PANK2: variants seen among roughly 807,000 people sequenced by gnomAD.
PANK2 encodes pantothenate kinase 2, also known as pantothenate kinase 2, mitochondrial.
PANK2 carries 36 observed loss-of-function variants against 43.1 expected under a neutral mutation model. The ratio of observed to expected loss-of-function variants is 0.84; its 90% confidence interval spans 0.64 to 1.10. The LOEUF is 1.10. PANK2 is among the 50% of genes least tolerant of loss of function. The probability of loss-of-function intolerance (pLI) is 0.00; values close to 1 mark genes in which losing one functional copy is unlikely to be tolerated. For synonymous variants in PANK2, 281 were observed against 238.2 expected, an observed-to-expected ratio of 1.18 and a Z score of -1.66; for missense variants, 576 against 593.3, an observed-to-expected ratio of 0.97 and a Z score of 0.30.
intron 1 of PANK2, among the ~76,000 whole-genome samples, chr20:3,897,099 A>G (rs1487642060): frequency 6.6e-6 from 1 of 152,192 alleles, no homozygotes; most frequent in African/African-American, 2.4e-5. Flanking sequence ...TGAGTGCTGC[A>G]GAATTGGTTA....
intron 5 of PANK2, among the ~76,000 whole-genome samples, chr20:3,918,357 A>G (rs547458241): frequency 4.7e-5 from 7 of 149,522 alleles, no homozygotes; most frequent in Non-Finnish European, 9.0e-5. Flanking sequence ...GATTGGAGTC[A>G]TACTGTTTTT....
upstream of PANK2, chr20:3,889,308 G>A: frequency 1.2e-6 from 2 of 1,600,598 alleles, no homozygotes; most frequent in Non-Finnish European, 1.7e-6. Context: ...CGAGGCCTTT[G>A]GGCCGTCCCC....
At position 3,908,048 on chromosome 20, in the gene PANK2, T is replaced by G; in HGVS notation, c.421T>G (p.Tyr141Asp). 6.2e-7 allele frequency: 1 copy of G among 1,614,178 alleles called. No individual in the cohort carries two copies. The highest frequency in any genetic ancestry group is 8.5e-7 in the Non-Finnish European group (1 of 1,180,026). Residue 141 changes from tyrosine to aspartate, a missense_variant, in exon 2 of 7, where the codon TAC becomes GAC. By Grantham distance (160) the Tyr-to-Asp change is radical (BLOSUM62 -3). Transcript: ENST00000610179. ...GGAAAGTCTTAAAAGCATTCGGAAG[T>G]ACCTGACCTCCAATGTGGCTTATGG...
rs777414421 is a variant in PANK2 at position 3,910,589 on chromosome 20, C to G, written c.664C>G (p.Gln222Glu). 3.7e-6 allele frequency: 6 copies of G among 1,614,090 alleles called. No individual in the cohort carries two copies. The highest frequency in any genetic ancestry group is 5.1e-6 in the Non-Finnish European group (6 of 1,180,008). ...TATTTCATTACAGATAGGTGATCTT[C>G]AGCTTTGCAAACTGGATGAACTAGA... The change falls in exon 3 of 7, where the codon CAG becomes GAG. Residue 222 changes from glutamine (Q) to glutamate (E), a missense_variant. This residue lies in a region of PANK2 where 544 missense variants were observed against 528.9 expected (regional missense o/e 1.03). Coordinates refer to ENST00000610179, the MANE Select transcript of PANK2 (RefSeq NM_001386393.1).
chr20:3,897,100 G>A lies in PANK2; in HGVS notation c.298+7372G>A, dbSNP rs6052151. 5.6e-3 allele frequency among the ~76,000 whole-genome samples: 846 copies of A among 152,288 alleles called. 7 individuals are homozygous for A. The highest frequency in any genetic ancestry group is 0.019 in the African/African-American group (783 of 41,566). On this transcript the variant is annotated intron_variant, in intron 1 of 6. Transcript: ENST00000610179. The stretch of plus-strand genomic sequence containing the variant: ...GGGCACCCAGCTGGTGAGTGCTGCA[G>A]AATTGGTTACTTGCTTTGTGTGTGG...
At position 3,912,718 on chromosome 20, in the gene PANK2, G is replaced by A. The variant is rs1600549058; in HGVS notation, c.1082+84G>A. On this transcript the variant is annotated intron_variant, in intron 4 of 6. Transcript: ENST00000610179. ...TTTAATCCCAAAACTTTGAGAGGCC[G>A]AGATGGGCAGATCATGAGGTCAGGA... 13 of 1,431,488 alleles carry A rather than the reference G, an allele frequency of 9.1e-6. No individual in the cohort carries two copies. The East Asian group carries it at 2.3e-4, about 25-fold the overall frequency. 88.7% of individuals were successfully genotyped at this position (1,431,488 alleles called of 1,614,324 possible). A position where few individuals can be genotyped will look rare whatever the true frequency, so the allele number is the denominator to read the frequency against.
At chr20:3,889,272 C>T (rs1386340274), upstream of PANK2, 5 of 1,611,298 alleles carry the variant, frequency 3.1e-6, no homozygotes, top group African/African-American at 5.3e-5. Flanking sequence ...GGTCAATCCT[C>T]CTCGAGTTAG....
chr20:3,892,728 C>G (rs1472692836), intron 1 of PANK2, among the ~76,000 whole-genome samples: 3 of 149,004 alleles, frequency 2.0e-5, no homozygotes, highest in Non-Finnish European at 3.0e-5. Flanking sequence ...TCTAAAGGTG[C>G]AGATAGATAC....
At chr20:3,894,560 T>C (rs2090175462) in intron 1 of PANK2, among the ~76,000 whole-genome samples, 1 of 151,746 alleles carries the variant, frequency 6.6e-6, no homozygotes, top group Middle Eastern at 3.2e-3. Context: ...TTTTAACCTA[T>C]TGATTTATCA....
Position 3,910,689 on chromosome 20 carries a change from AC to A in PANK2, c.767del (p.Pro256LeufsTer14), listed in dbSNP as rs753400880. 8 of 1,613,962 alleles carry A rather than the reference AC, an allele frequency of 5.0e-6. No homozygotes were observed. Among genetic ancestry groups the A allele is most frequent in the East Asian group, 2.2e-5 (1 of 44,882 alleles). On this transcript the variant is annotated frameshift_variant, in exon 3 of 7. Transcript: ENST00000610179. LOFTEE classifies it high-confidence loss of function. Reference sequence around the variant, plus strand: ...CGGTCACAGTGCTATTACTTTGAAAACCCTGCTGATTCTGAAAAGTGTCAGA... The same window carrying A: ...CGGTCACAGTGCTATTACTTTGAAAACCTGCTGATTCTGAAAAGTGTCAGA...
Position 3,923,269 on chromosome 20 carries a change from T to C in PANK2, c.1358T>C (p.Leu453Pro), listed in dbSNP as rs1324077575. The stretch of plus-strand genomic sequence containing the variant: ...GGTTATTTTGGAGCTGTTGGAGCAC[T>C]CCTTGAGCTGTTGAAGATCCCGTGA... The change falls in exon 7 of 7, where the codon CTC (leucine) becomes CCC (proline). Residue 453 changes from leucine to proline, a missense_variant. Physicochemically the swap from Leu to Pro is moderately conservative, Grantham distance 98. Around this residue, in one of 2 missense-constraint regions of PANK2, gnomAD observed 32 missense variants for 64.3 expected, o/e 0.50. Coordinates refer to ENST00000610179, the MANE Select transcript of PANK2 (RefSeq NM_001386393.1). 2 of 1,614,102 alleles carry C rather than the reference T, an allele frequency of 1.2e-6. No homozygotes were observed. The highest frequency in any genetic ancestry group is 1.7e-5 in the Admixed American group (1 of 60,008).
Position 3,899,673 on chromosome 20 carries a change from G to A in PANK2, c.299-8253G>A, listed in dbSNP as rs77027214. 9.5e-3 allele frequency among the ~76,000 whole-genome samples: 1,427 copies of A among 149,934 alleles called. 14 individuals are homozygous for A. The highest frequency in any genetic ancestry group is 0.021 in the Middle Eastern group (6 of 284). On this transcript the variant is annotated intron_variant, in intron 1 of 6. Transcript: ENST00000610179. ...TTCGAAGTATGTGTTATGTGCATAA[G>A]GAACATGGCTATTACATTCATCAGT...
chr20:3,908,002 T>C lies in PANK2; in HGVS notation c.375T>C (p.Ala125=). The stretch of plus-strand genomic sequence containing the variant: ...ATTTTGAACCCAAAGACATCACTGC[T>C]GAAGAAGAAGAGGAAGAAGTGGAAA... Residue 125 remains alanine (A), a synonymous_variant, in exon 2 of 7, where the codon GCT becomes GCC. Transcript: ENST00000610179. The C allele has an allele frequency of 6.2e-7, 1 of 1,614,150 alleles. No individual in the cohort carries two copies. The highest frequency in any genetic ancestry group is 8.5e-7 in the Non-Finnish European group (1 of 1,180,022).
intron 3 of PANK2, among the ~76,000 whole-genome samples, chr20:3,911,307 G>A (rs940641607): frequency 1.3e-5 from 2 of 152,190 alleles, no homozygotes; most frequent in African/African-American, 4.8e-5. Flanking sequence ...AGGATTAGCC[G>A]GGCGTGGTGG....
chr20:3,889,729 G>A lies in PANK2; in HGVS notation c.298+1G>A. 1 of 1,595,460 alleles carries A rather than the reference G, an allele frequency of 6.3e-7. No homozygotes were observed. Among genetic ancestry groups the A allele is most frequent in the Non-Finnish European group, 8.5e-7 (1 of 1,179,012 alleles). ...GAAAGCCTGAGGAAAAAGCGGCCGC[G>A]TAAGTGTTCCGTGGGGCGCCCTCCC... is the stretch of plus-strand genomic sequence containing the variant. On this transcript the variant is annotated splice_donor_variant, in intron 1 of 6. Transcript: ENST00000610179. LOFTEE classifies it high-confidence loss of function.
At position 3,889,727 on chromosome 20, in the gene PANK2, G is replaced by T. The variant is rs767309076; in HGVS notation, c.297G>T (p.Pro99=). 1 of 1,595,518 alleles carries T rather than the reference G, an allele frequency of 6.3e-7. No individual in the cohort carries two copies. The highest frequency in any genetic ancestry group is 8.5e-7 in the Non-Finnish European group (1 of 1,179,038). The change falls in exon 1 of 7, where the codon CCG becomes CCT. Residue 99 remains proline, a splice_region_variant and synonymous_variant. Coordinates refer to ENST00000610179, the MANE Select transcript of PANK2 (RefSeq NM_001386393.1). ...TCGAAAGCCTGAGGAAAAAGCGGCC[G>T]CGTAAGTGTTCCGTGGGGCGCCCTC...
rs766867978 is a variant in PANK2 at position 3,913,760 on chromosome 20, GCACA to G, written c.1082+1139_1082+1142del. ...TTTATATGTAAGTCTTTGTATGTAT[GCACA>G]CACACACACACATATATATATATAT... On this transcript the variant is annotated intron_variant, in intron 4 of 6. Coordinates refer to ENST00000610179, the MANE Select transcript of PANK2 (RefSeq NM_001386393.1). 5.0e-3 allele frequency among the ~76,000 whole-genome samples: 648 copies of G among 129,992 alleles called. 7 individuals are homozygous for G. Among genetic ancestry groups the G allele is most frequent in the African/African-American group, 0.017 (619 of 35,968 alleles). The allele number at this position is 129,992 out of a possible 152,430, so 85.3% of individuals were successfully genotyped here. A position where few individuals can be genotyped will look rare whatever the true frequency, so the allele number is the denominator to read the frequency against.
rs753776633 is a variant in PANK2 at position 3,912,655 on chromosome 20, T to C, written c.1082+21T>C. 5 of 1,612,672 alleles carry C rather than the reference T, an allele frequency of 3.1e-6. 1 individual carries two copies. The South Asian group carries it at 4.4e-5, about 14-fold the overall frequency. Reference sequence around the variant, plus strand: ...TCAAGGTAAGGGGGCATGTGTGTTCTAAGAAATACAGGCGGGCCGGGCGCG... The same window carrying C: ...TCAAGGTAAGGGGGCATGTGTGTTCCAAGAAATACAGGCGGGCCGGGCGCG... On this transcript the variant is annotated intron_variant, in intron 4 of 6. Transcript: ENST00000610179.
rs769352301 is a variant in PANK2 at position 3,908,145 on chromosome 20, A to G, written c.518A>G (p.His173Arg). 5 of 1,614,082 alleles carry G rather than the reference A, an allele frequency of 3.1e-6. No homozygotes were observed. The highest frequency in any genetic ancestry group is 4.2e-6 in the Non-Finnish European group (5 of 1,180,006). Residue 173 changes from histidine to arginine, a missense_variant, in exon 2 of 7, where the codon CAC becomes CGC. By Grantham distance (29) the His-to-Arg change is conservative. Around this residue, in one of 2 missense-constraint regions of PANK2, gnomAD observed 544 missense variants for 528.9 expected, o/e 1.03. Transcript: ENST00000610179. ...CTGTGTGGACGCAAAGGCAATCTGC[A>G]CTTTATACGCTTTCCCACTCATGAC...
Sources: gnomAD v4.1 joint callset for allele counts (sites outside exome capture counted in the v4.1 genomes callset) on GRCh38, gnomAD v4.1.1 for gene constraint, gnomAD v4.1.1 regional missense constraint, MANE v1.5 for transcripts, NCBI Gene and HGNC (gene_info 2026-07-23, HGNC 2026-07-21) for gene names.